The following ATF2 variants were observed in gnomAD, a reference collection of about 807,000 sequenced individuals.
ATF2 encodes the protein cyclic AMP-dependent transcription factor ATF-2.
Under a neutral mutation model 60.6 loss-of-function variants are expected in ATF2, and 24 were observed. That is an observed-to-expected ratio of 0.40 (90% CI 0.29 to 0.56). ATF2 has a LOEUF of 0.56. Ranked by LOEUF, ATF2 falls within the 20% of genes least tolerant of loss-of-function variation. The probability of loss-of-function intolerance (pLI) is 0.54; values close to 1 mark genes in which losing one functional copy is unlikely to be tolerated. For missense variants in ATF2, 433 were observed against 607.7 expected, an observed-to-expected ratio of 0.71 and a Z score of 3.02; for synonymous variants, 206 against 215.4, an observed-to-expected ratio of 0.96 and a Z score of 0.38.
chr2:175,116,647 AT>A (rs112318637), intron 7 of ATF2, among the ~76,000 whole-genome samples: 161 of 146,326 alleles, frequency 1.1e-3, no homozygotes, highest in Middle Eastern at 3.5e-3. Flanking sequence ...AGAGGTCCAG[AT>A]TTTTTTTTTT....
chr2:175,123,821 G>A (rs1697133998), intron 4 of ATF2, among the ~76,000 whole-genome samples: 1 of 151,990 alleles, frequency 6.6e-6, no homozygotes, highest in East Asian at 1.9e-4. Flanking sequence ...CAGCAACACT[G>A]CAAAGGACAA....
At position 175,093,359 on chromosome 2, in the gene ATF2, G is replaced by GT. The variant is rs563371920; in HGVS notation, c.979-93dup. The GT allele has an allele frequency of 2.7e-4, 348 of 1,280,484 alleles. 1 individual carries two copies. In the African/African-American group the frequency reaches 4.7e-3, roughly 17 times the overall value. 79.3% of individuals were successfully genotyped at this position (1,280,484 alleles called of 1,614,324 possible). A position where few individuals can be genotyped will look rare whatever the true frequency, so the allele number is the denominator to read the frequency against. ...AGGGTGTCAAAGGGGGAGAGCAACTGTATTTTCTAAGTCTTGTTGAATACA... is the reference window on the plus strand; with the variant it reads ...AGGGTGTCAAAGGGGGAGAGCAACTGTTATTTTCTAAGTCTTGTTGAATACA... On this transcript the variant is annotated intron_variant, in intron 11 of 13. Transcript: ENST00000264110.
chr2:175,074,728 A>G lies in ATF2; in HGVS notation c.1399T>C (p.Ser467Pro), dbSNP rs768363052. ...GAAGTGGCTACAGCTTCTGCCTTGG[A>G]GGTTGAACTGACTCCATTGGATGTG... is the stretch of plus-strand genomic sequence containing the variant. ...VSTSNGVSST[S>P]KAEAVATSVL... Residue 467 changes from serine to proline, a missense_variant, in exon 14 of 14, where the codon TCC becomes CCC. Coordinates refer to ENST00000264110, the MANE Select transcript of ATF2 (RefSeq NM_001880.4). 1 of 1,613,462 alleles carries G rather than the reference A, an allele frequency of 6.2e-7. No individual in the cohort carries two copies. The highest frequency in any genetic ancestry group is 8.5e-7 in the Non-Finnish European group (1 of 1,179,710).
chr2:175,092,092 TAA>T (rs558958107), intron 12 of ATF2, among the ~76,000 whole-genome samples: 1 of 152,130 alleles, frequency 6.6e-6, no homozygotes, highest in African/African-American at 2.4e-5. Flanking sequence ...TGCTTCACAT[TAA>T]AAAAATTTAA....
rs1373476738 is a variant in ATF2 at position 175,109,056 on chromosome 2, C to T, written c.828+2512G>A. Among the ~76,000 whole-genome samples the T allele has an allele frequency of 2.0e-5, 3 of 151,022 alleles. No individual in the cohort carries two copies. In the East Asian group the frequency reaches 5.9e-4, roughly 30 times the overall value. ...CTGCGGAAGGCCGCAGGGTCCTCTG[C>T]ATAGGAAAACCAGAGACCTTTGTTC... is the stretch of plus-strand genomic sequence containing the variant. On this transcript the variant is annotated intron_variant, in intron 10 of 13. Coordinates refer to ENST00000264110, the MANE Select transcript of ATF2 (RefSeq NM_001880.4).
intron 1 of ATF2, among the ~76,000 whole-genome samples, chr2:175,152,543 G>A (rs1043412519): frequency 1.3e-5 from 2 of 152,184 alleles, no homozygotes; most frequent in Admixed American, 6.5e-5. Flanking sequence ...TTTTCTCTAC[G>A]TTTTCTCAGT....
chr2:175,154,234 A>AAAATAT (rs59907964), intron 1 of ATF2, among the ~76,000 whole-genome samples: 39 of 131,658 alleles, frequency 3.0e-4, no homozygotes, highest in African/African-American at 1.1e-3. Flanking sequence ...AGAAAAAAAA[A>AAAATAT]ATATATATAT....
At chr2:175,082,498 T>C (rs942617706) in intron 12 of ATF2, among the ~76,000 whole-genome samples, 2 of 152,184 alleles carry the variant, frequency 1.3e-5, no homozygotes, top group Non-Finnish European at 2.9e-5. Flanking sequence ...ATATTACCCA[T>C]CCTGTCAGCT....
In ATF2 at chr2:175,159,147, G is replaced by A. The variant is rs569164944; in HGVS notation, c.-142-7989C>T. Among the ~76,000 whole-genome samples the A allele has an allele frequency of 1.9e-4, 29 of 151,922 alleles. No individual in the cohort carries two copies. In the South Asian group the frequency reaches 5.4e-3, roughly 28 times the overall value. On this transcript the variant is annotated intron_variant, in intron 1 of 13. Transcript: ENST00000264110. Reference sequence around the variant, plus strand: ...AGCCTGGTCATCATGGAGAAACCCCGTCTCTACTAAAAATACAAAAAAATC... The same window carrying A: ...AGCCTGGTCATCATGGAGAAACCCCATCTCTACTAAAAATACAAAAAAATC...
chr2:175,078,245 A>G (rs1391803064), intron 13 of ATF2, among the ~76,000 whole-genome samples: 1 of 152,190 alleles, frequency 6.6e-6, no homozygotes, highest in Non-Finnish European at 1.5e-5. Flanking sequence ...TGTTGGGCTT[A>G]CAAGGGATGA....
intron 1 of ATF2, among the ~76,000 whole-genome samples, chr2:175,167,449 TC>T (rs1442148137): frequency 6.6e-6 from 1 of 152,076 alleles, no homozygotes; most frequent in Non-Finnish European, 1.5e-5. Flanking sequence ...GGCCGAGACT[TC>T]CAGCTCCTAG....
chr2:175,154,844 G>A (rs1054505401), intron 1 of ATF2, among the ~76,000 whole-genome samples: 1 of 152,186 alleles, frequency 6.6e-6, no homozygotes, highest in Non-Finnish European at 1.5e-5. Flanking sequence ...AAATTTCCTG[G>A]TAAGAGCCAA....
At chr2:175,157,683 T>C (rs974855433) in intron 1 of ATF2, among the ~76,000 whole-genome samples, 1 of 152,120 alleles carries the variant, frequency 6.6e-6, no homozygotes, top group South Asian at 2.1e-4. Context: ...TAGACACGAC[T>C]TTATTCCCTT....
intron 4 of ATF2, among the ~76,000 whole-genome samples, chr2:175,124,112 A>T (rs1697155443): frequency 6.6e-6 from 1 of 151,788 alleles, no homozygotes; most frequent in Admixed American, 6.6e-5. Context: ...TTTTGTAAAA[A>T]TATCTATATT....
chr2:175,136,653 C>T (rs1698159742), intron 2 of ATF2, among the ~76,000 whole-genome samples, 167 bp from the exon 3 acceptor site: 1 of 152,064 alleles, frequency 6.6e-6, no homozygotes, highest in Non-Finnish European at 1.5e-5. Flanking sequence ...TATCAACACA[C>T]CTACACAAAT....
chr2:175,118,087 G>C lies in ATF2; in HGVS notation c.350C>G (p.Pro117Arg). The C allele has an allele frequency of 6.2e-7, 1 of 1,611,648 alleles. No homozygotes were observed. ...CTCCTCAATTTTGCTTCTTATGATAGGTGTTGCAAGAGGGGATAAATCTAG... is the reference window on the plus strand; with the variant it reads ...CTCCTCAATTTTGCTTCTTATGATACGTGTTGCAAGAGGGGATAAATCTAG... ...MPLDLSPLAT[P>R]IIRSKIEEPS... The change falls in exon 7 of 14, where the codon CCT becomes CGT. Residue 117 changes from proline (P) to arginine (R), a missense_variant. By Grantham distance (103) the Pro-to-Arg change is moderately radical. Coordinates refer to ENST00000264110, the MANE Select transcript of ATF2 (RefSeq NM_001880.4).
chr2:175,113,927 C>T (rs1180292871), intron 9 of ATF2, 67 bp downstream of exon 9: 49 of 1,342,992 alleles, frequency 3.6e-5, no homozygotes, highest in Non-Finnish European at 2.2e-5. Flanking sequence ...AGTCAAGCAG[C>T]CAACTTTATT....
intron 12 of ATF2, among the ~76,000 whole-genome samples, chr2:175,084,711 C>T (rs1359472834): frequency 6.6e-6 from 1 of 151,104 alleles, no homozygotes; most frequent in African/African-American, 2.4e-5. Context: ...TTTCTGGGTT[C>T]CCACAGCCAC....
At chr2:175,120,924 G>A (rs3771928) in intron 5 of ATF2, among the ~76,000 whole-genome samples, 10,273 of 151,686 alleles carry the variant, frequency 0.068, 350 homozygotes, top group East Asian at 0.12. Flanking sequence ...TACGTTCATA[G>A]TGTCAACACA....
Sources: gnomAD v4.1 joint callset for allele counts (sites outside exome capture counted in the v4.1 genomes callset) on GRCh38, gnomAD v4.1.1 for gene constraint, MANE v1.5 for transcripts, NCBI Gene and HGNC (gene_info 2026-07-23, HGNC 2026-07-21) for gene names.